Variants in SLC25A13 observed in about 807,000 individuals in gnomAD.
The protein encoded by SLC25A13 is solute carrier family 25 member 13, also known as electrogenic aspartate/glutamate antiporter SLC25A13, mitochondrial.
SLC25A13 carries 70 observed loss-of-function variants against 85.5 expected under a neutral mutation model. The observed-to-expected ratio is 0.82, with a 90% CI of 0.68 to 1.00. The LOEUF (loss-of-function observed/expected upper bound fraction) is 1.00, where lower values mean the gene tolerates loss of function less well. Among genes scored for constraint, SLC25A13 ranks in the 50% least tolerant of loss-of-function variants. SLC25A13 has a pLI of 0.00. For missense variants in SLC25A13, 765 were observed against 819.8 expected (o/e 0.93, Z 0.82); for synonymous variants, 259 against 288.7 (o/e 0.90, Z 1.04).
At chr7:96,314,315 G>A (rs967589968) in intron 1 of SLC25A13, among the ~76,000 whole-genome samples, 3 of 152,116 alleles carry the variant, frequency 2.0e-5, no homozygotes, top group Non-Finnish European at 4.4e-5. Context: ...CAAGCCAACA[G>A]GTTTAGAACT....
At chr7:96,268,691 A>T (rs1798124002) in intron 3 of SLC25A13, among the ~76,000 whole-genome samples, 1 of 152,208 alleles carries the variant, frequency 6.6e-6, no homozygotes, top group Non-Finnish European at 1.5e-5. Flanking sequence ...CCCTCATTCA[A>T]ATTAGCCTTT....
intron 2 of SLC25A13, among the ~76,000 whole-genome samples, chr7:96,289,025 A>C (rs1203583375): frequency 1.3e-5 from 2 of 152,136 alleles, no homozygotes; most frequent in Non-Finnish European, 2.9e-5. Flanking sequence ...GCAGATTGAC[A>C]CCTCACACAG....
intron 15 of SLC25A13, among the ~76,000 whole-genome samples, chr7:96,129,534 AT>A (rs1313391653): frequency 6.6e-6 from 1 of 152,220 alleles, no homozygotes; most frequent in Non-Finnish European, 1.5e-5. Flanking sequence ...TTTGGAAAAA[AT>A]TAAAGTATCT....
At chr7:96,249,314 G>T (rs1433403764) in intron 3 of SLC25A13, among the ~76,000 whole-genome samples, 1 of 152,098 alleles carries the variant, frequency 6.6e-6, no homozygotes. Flanking sequence ...AAAAACTGGC[G>T]CAAGATCTGG....
intron 13 of SLC25A13, among the ~76,000 whole-genome samples, chr7:96,157,614 G>A (rs2116525457): frequency 6.6e-6 from 1 of 152,220 alleles, no homozygotes; most frequent in East Asian, 1.9e-4. Context: ...GACCAGCCTG[G>A]CTGACACGGC....
At chr7:96,264,611 A>G (rs1797980476) in intron 3 of SLC25A13, among the ~76,000 whole-genome samples, 1 of 152,224 alleles carries the variant, frequency 6.6e-6, no homozygotes, top group South Asian at 2.1e-4. Context: ...CATATTTACC[A>G]TACTAGAAAT....
intron 3 of SLC25A13, among the ~76,000 whole-genome samples, chr7:96,261,142 T>A (rs995873340): frequency 6.6e-6 from 1 of 152,116 alleles, no homozygotes; most frequent in East Asian, 1.9e-4. Context: ...CTCCCATGGC[T>A]TACTCCTTCA....
At chr7:96,293,574 A>C (rs1799212117) in intron 2 of SLC25A13, among the ~76,000 whole-genome samples, 1 of 152,242 alleles carries the variant, frequency 6.6e-6, no homozygotes, top group Non-Finnish European at 1.5e-5. Context: ...AACTCAGCCA[A>C]ACTCACAAGA....
At chr7:96,146,484 G>C in intron 14 of SLC25A13, 72 bp downstream of exon 14, 3 of 1,565,124 alleles carry the variant, frequency 1.9e-6, no homozygotes, top group Non-Finnish European at 8.7e-7. Context: ...TGGATTTCAT[G>C]TTGAAGAATA....
intron 3 of SLC25A13, among the ~76,000 whole-genome samples, chr7:96,235,841 A>T (rs1037716673): frequency 1.3e-5 from 2 of 152,236 alleles, no homozygotes; most frequent in South Asian, 4.1e-4. Flanking sequence ...GTCAAATCTA[A>T]GCTTTAGGAA....
chr7:96,302,961 G>A (rs1300133022), intron 1 of SLC25A13, among the ~76,000 whole-genome samples: 1 of 152,206 alleles, frequency 6.6e-6, no homozygotes, highest in Non-Finnish European at 1.5e-5. Flanking sequence ...CGGATTATAA[G>A]ATGTAGGTTC....
At chr7:96,196,511 T>C (rs1384621698) in intron 5 of SLC25A13, among the ~76,000 whole-genome samples, 1 of 152,176 alleles carries the variant, frequency 6.6e-6, no homozygotes, top group African/African-American at 2.4e-5. Context: ...GGTGCTCACA[T>C]AGCAGGACAG....
chr7:96,199,684 A>G (rs889489468), intron 5 of SLC25A13, among the ~76,000 whole-genome samples: 57 of 152,104 alleles, frequency 3.7e-4, no homozygotes, highest in Non-Finnish European at 5.9e-5. Flanking sequence ...TGTTCCCTCT[A>G]TTCTGGTGCA....
At chr7:96,178,440 G>T (rs970773243) in intron 11 of SLC25A13, among the ~76,000 whole-genome samples, 1 of 152,136 alleles carries the variant, frequency 6.6e-6, no homozygotes, top group African/African-American at 2.4e-5. Context: ...GAGGGCAGAA[G>T]GTATTCAGGG....
At chr7:96,164,015 C>T (rs983786544) in intron 13 of SLC25A13, among the ~76,000 whole-genome samples, 4 of 152,176 alleles carry the variant, frequency 2.6e-5, no homozygotes, top group Admixed American at 6.6e-5. Context: ...ATTTTTCCCA[C>T]AATCAGGCAA....
rs556754025 is a variant in SLC25A13, at chr7:96,215,867, TAA to T, written c.329-6892_329-6891del. 3.2e-4 allele frequency among the ~76,000 whole-genome samples: 48 copies of T among 151,984 alleles called. No individual in the cohort carries two copies. In the South Asian group the frequency reaches 7.1e-3, roughly 22 times the overall value. On this transcript the variant is annotated intron_variant, in intron 4 of 17. Coordinates refer to ENST00000265631, the MANE Select transcript of SLC25A13 (RefSeq NM_014251.3). ...TCCAAGGATACCATTAAGAAAGTAT[TAA>T]AATGGCCAGGCACGGTGGCTCACGC...
chr7:96,227,248 T>C (rs1406159585), intron 4 of SLC25A13, among the ~76,000 whole-genome samples: 1 of 152,196 alleles, frequency 6.6e-6, no homozygotes, highest in Non-Finnish European at 1.5e-5. Context: ...TTTGTAGTGT[T>C]CATCAACTCA....
At chr7:96,182,791 G>A (rs1035980931) in intron 11 of SLC25A13, among the ~76,000 whole-genome samples, 1 of 152,188 alleles carries the variant, frequency 6.6e-6, no homozygotes, top group Non-Finnish European at 1.5e-5. Context: ...TAAAGACACT[G>A]AGCAGTGTTG....
chr7:96,171,464 A>G lies in SLC25A13; in HGVS notation c.1230+8T>C. The G allele has an allele frequency of 6.2e-7, 1 of 1,612,238 alleles. No individual in the cohort carries two copies. The highest frequency in any genetic ancestry group is 8.5e-7 in the Non-Finnish European group (1 of 1,178,322). ...CCTTAATAAGAAGCACCAACTCAAA[A>G]GACTTACTGTAAGTTTTATGGCCTT... is the stretch of plus-strand genomic sequence containing the variant. On this transcript the variant is annotated splice_region_variant and intron_variant, in intron 12 of 17. Transcript: ENST00000265631.
Sources: allele counts gnomAD v4.1 joint callset (sites outside exome capture counted in the v4.1 genomes callset), GRCh38; gene constraint gnomAD v4.1.1; transcripts MANE v1.5; gene names NCBI Gene and HGNC (gene_info 2026-07-23, HGNC 2026-07-21).